The following MAB21L4 variants were observed in gnomAD, a reference collection of about 807,000 sequenced individuals.
The protein encoded by MAB21L4 is mab-21 like 4.
Under a neutral mutation model 32.4 loss-of-function variants are expected in MAB21L4, and 25 were observed. The ratio of observed to expected loss-of-function variants is 0.77; its 90% confidence interval spans 0.56 to 1.08. The LOEUF is 1.08. Among genes scored for constraint, MAB21L4 ranks in the 50% least tolerant of loss-of-function variants. The pLI is 0.00. For synonymous variants in MAB21L4, 280 were observed against 276.8 expected, an observed-to-expected ratio of 1.01 and a Z score of -0.11; for missense variants, 638 against 611.0, an observed-to-expected ratio of 1.04 and a Z score of -0.47.
At position 240,888,289 on chromosome 2, in the gene MAB21L4, C is replaced by T; in HGVS notation, c.1251+3G>A. The stretch of plus-strand genomic sequence containing the variant: ...GCCCAAGGCCCCCGCAGCCAGCACC[C>T]ACCTTGTCCAGCAGGACGTCGAAGT... On this transcript the variant is annotated splice_donor_region_variant and intron_variant, in intron 4 of 4. Transcript: ENST00000388934. 1.3e-6 allele frequency: 2 copies of T among 1,545,190 alleles called. No individual in the cohort carries two copies. The highest frequency in any genetic ancestry group is 2.3e-5 in the East Asian group (1 of 43,156).
chr2:240,888,989 CCCTTTGAGCT>C (rs1423615904), intron 3 of MAB21L4, among the ~76,000 whole-genome samples: 1 of 149,900 alleles, frequency 6.7e-6, no homozygotes, highest in African/African-American at 2.4e-5. Flanking sequence ...TTCCCTCCGC[CCCTTTGAGCT>C]CCTACTCACC....
chr2:240,890,176 GC>G lies in MAB21L4; in HGVS notation c.741-19del. 1 of 1,580,846 alleles carries G rather than the reference GC, an allele frequency of 6.3e-7. No homozygotes were observed. On this transcript the variant is annotated intron_variant, in intron 2 of 4. Transcript: ENST00000388934. ...TGGAGGTCCTGGGGCCCAGACAGAC[GC>G]ACTGGGTCAGCCCCCGCCGCTGTTG...
chr2:240,890,088 T>A lies in MAB21L4; in HGVS notation c.811A>T (p.Ser271Cys). 6.2e-7 allele frequency: 1 copy of A among 1,613,280 alleles called. No homozygotes were observed. The highest frequency in any genetic ancestry group is 8.5e-7 in the Non-Finnish European group (1 of 1,179,722). ...LGSLQGHRLD[S>C]LSILDRVNHE... ...TTGACCCGGTCGAGGATGGAGAGGC[T>A]GTCCAGGCGATGACCCTGCAGGGAG... The change falls in exon 3 of 5, where the codon AGC (serine) becomes TGC (cysteine). Residue 271 changes from serine (S) to cysteine (C), a missense_variant. Transcript: ENST00000388934.
At position 240,887,097 on chromosome 2, in the gene MAB21L4, G is replaced by T. The variant is rs1236304974; in HGVS notation, c.1317C>A (p.Thr439=). The change falls in exon 5 of 5, where the codon ACC becomes ACA. Residue 439 remains threonine, a synonymous_variant. Coordinates refer to ENST00000388934, the MANE Select transcript of MAB21L4 (RefSeq NM_001085437.3). ...ISAMQSIFQK[T]RTLGGEES Reference sequence around the variant, plus strand: ...AGCTCTCCTCGCCTCCCAGAGTCCTGGTCTTCTGGAAGATGCTCTGCATGG... The same window carrying T: ...AGCTCTCCTCGCCTCCCAGAGTCCTTGTCTTCTGGAAGATGCTCTGCATGG... 1.9e-6 allele frequency: 3 copies of T among 1,614,096 alleles called. No homozygotes were observed. Among genetic ancestry groups the T allele is most frequent in the Non-Finnish European group, 2.5e-6 (3 of 1,179,990 alleles).
chr2:240,889,985 C>T lies in MAB21L4; in HGVS notation c.894+20G>A. On this transcript the variant is annotated intron_variant, in intron 3 of 4. Coordinates refer to ENST00000388934, the MANE Select transcript of MAB21L4 (RefSeq NM_001085437.3). ...CTGGGCCCTGGTGACAGACAACCCG[C>T]CGAGTCCCGCCCTGGGTACCTTCAG... 1 of 1,592,840 alleles carries T rather than the reference C, an allele frequency of 6.3e-7. No individual in the cohort carries two copies. Among genetic ancestry groups the T allele is most frequent in the South Asian group, 1.1e-5 (1 of 89,544 alleles).
intron 3 of MAB21L4, among the ~76,000 whole-genome samples, 196 bp from the exon 4 acceptor site, chr2:240,888,844 C>T (rs1313377755): frequency 4.0e-5 from 6 of 151,886 alleles, no homozygotes; most frequent in Non-Finnish European, 5.9e-5. Context: ...TGCTGGCTCC[C>T]GAAGGCATGA....
chr2:240,888,522 G>T lies in MAB21L4; in HGVS notation c.1021C>A (p.Leu341Ile). The change falls in exon 4 of 5, where the codon CTC (leucine) becomes ATC (isoleucine). Residue 341 changes from leucine to isoleucine, a missense_variant. By Grantham distance (5) the Leu-to-Ile change is conservative. Transcript: ENST00000388934. ...TGCAGCAGGTTGCGCTGCGGGTGGA[G>T]GAAGTGGGGCAGCTTCCGCGTGGCC... ...CLATRKLPHFLHPQRNLLQGS... is the reference protein window; with the variant it reads ...CLATRKLPHFIHPQRNLLQGS... The T allele has an allele frequency of 6.2e-7, 1 of 1,608,082 alleles. No homozygotes were observed.
intron 3 of MAB21L4, 109 bp downstream of exon 3, chr2:240,889,896 G>C: frequency 7.7e-7 from 1 of 1,303,024 alleles, no homozygotes; most frequent in African/African-American, 1.5e-5. Context: ...CTCCGACTTG[G>C]GACTCATAGC....
At chr2:240,887,290 G>A (rs2059103960) in intron 4 of MAB21L4, 128 bp from the exon 5 acceptor site, 1 of 726,286 alleles carries the variant, frequency 1.4e-6, no homozygotes, top group Non-Finnish European at 2.3e-6. Flanking sequence ...CCTGCCCCGG[G>A]TATCTGCCTG....
chr2:240,888,845 G>C (rs964317400), intron 3 of MAB21L4, among the ~76,000 whole-genome samples, 197 bp from the exon 4 acceptor site: 1 of 136,832 alleles, frequency 7.3e-6, no homozygotes, highest in Admixed American at 7.4e-5. Context: ...GCTGGCTCCC[G>C]AAGGCATGAA....
In MAB21L4 at chr2:240,888,361, C is replaced by T. The variant is rs1207936205; in HGVS notation, c.1182G>A (p.Ala394=). Residue 394 remains alanine, a synonymous_variant, in exon 4 of 5, where the codon GCG becomes GCA. Coordinates refer to ENST00000388934, the MANE Select transcript of MAB21L4 (RefSeq NM_001085437.3). ...GGTCACTGGCTGGCAGCTGCAGGAG[C>T]GCCTTGAGCCCGGAGCCGATGCGCG... is the stretch of plus-strand genomic sequence containing the variant. ...PPPRIGSGLK[A]LLQLPASDPT... 14 of 1,573,870 alleles carry T rather than the reference C, an allele frequency of 8.9e-6. No individual in the cohort carries two copies. Among genetic ancestry groups the T allele is most frequent in the East Asian group, 4.7e-5 (2 of 42,690 alleles).
intron 1 of MAB21L4, 70 bp downstream of exon 1, chr2:240,895,414 G>T: frequency 7.1e-7 from 1 of 1,402,636 alleles, no homozygotes; most frequent in Non-Finnish European, 9.5e-7. Context: ...TCACACACTT[G>T]CACACAGACA....
At position 240,895,564 on chromosome 2, in the gene MAB21L4, G is replaced by T. The variant is rs1275535529; in HGVS notation, c.434C>A (p.Pro145His). 6.2e-7 allele frequency: 1 copy of T among 1,611,752 alleles called. No individual in the cohort carries two copies. The highest frequency in any genetic ancestry group is 1.7e-4 in the Middle Eastern group (1 of 6,060). Residue 145 changes from proline to histidine, a missense_variant, in exon 1 of 5, where the codon CCC (proline) becomes CAC (histidine). Coordinates refer to ENST00000388934, the MANE Select transcript of MAB21L4 (RefSeq NM_001085437.3). ...CTTGAGGACACACAGGACCTTGCTG[G>T]GCACAATGTGTCCACGGCACTTGGC... is the stretch of plus-strand genomic sequence containing the variant. ...GDAKCRGHIV[P>H]SKVLCVLKDL...
At chr2:240,896,463 G>T (rs1188125151), upstream of MAB21L4, among the ~76,000 whole-genome samples, 1 of 152,156 alleles carries the variant, frequency 6.6e-6, no homozygotes, top group Non-Finnish European at 1.5e-5. Context: ...CGGGTATCTG[G>T]ATCAGGCCCC....
At chr2:240,894,673 C>G in intron 1 of MAB21L4, among the ~76,000 whole-genome samples, 1 of 152,166 alleles carries the variant, frequency 6.6e-6, no homozygotes, top group Non-Finnish European at 1.5e-5. Context: ...GGCGTGGTAG[C>G]CCATGCCTGT....
Position 240,887,028 on chromosome 2 carries a change from T to C in MAB21L4, c.*42A>G, listed in dbSNP as rs1315178563. 4 of 1,484,868 alleles carry C rather than the reference T, an allele frequency of 2.7e-6. No individual in the cohort carries two copies. The highest frequency in any genetic ancestry group is 2.8e-6 in the Non-Finnish European group (3 of 1,062,928). 92.0% of individuals were successfully genotyped at this position (1,484,868 alleles called of 1,614,324 possible). A position where few individuals can be genotyped will look rare whatever the true frequency, so the allele number is the denominator to read the frequency against. On this transcript the variant is annotated 3_prime_UTR_variant, in exon 5 of 5. Transcript: ENST00000388934. ...CTCCCATGGTGCAGTGCAGAGTCTG[T>C]TGGGGAGCCAAGAACAGGTGGCTGA... is the stretch of plus-strand genomic sequence containing the variant.
Position 240,895,684 on chromosome 2 carries a change from C to T in MAB21L4, c.314G>A (p.Gly105Asp). ...CACACCCAGGTGGCATAATTCAAGG[C>T]CATCCTCCGGCTGGGTGGCCTCTGG... ...EEPEATQPED[G>D]LELCHLGVPR... Residue 105 changes from glycine to aspartate, a missense_variant, in exon 1 of 5, where the codon GGC becomes GAC. Transcript: ENST00000388934. 1 of 1,612,856 alleles carries T rather than the reference C, an allele frequency of 6.2e-7. No individual in the cohort carries two copies. The highest frequency in any genetic ancestry group is 8.5e-7 in the Non-Finnish European group (1 of 1,180,034).
intron 1 of MAB21L4, among the ~76,000 whole-genome samples, chr2:240,893,719 G>T (rs1198936311): frequency 2.5e-5 from 3 of 117,658 alleles, no homozygotes; most frequent in African/African-American, 8.5e-5. Context: ...CTGCAGTATC[G>T]AGTCTGCTTT....
chr2:240,889,507 G>A (rs2059125941), intron 3 of MAB21L4, among the ~76,000 whole-genome samples: 1 of 152,228 alleles, frequency 6.6e-6, no homozygotes, highest in Admixed American at 6.5e-5. Flanking sequence ...GCCCCTGCCT[G>A]TTCCTTGTTC....
Sources: allele counts gnomAD v4.1 joint callset (sites outside exome capture counted in the v4.1 genomes callset), GRCh38; gene constraint gnomAD v4.1.1; transcripts MANE v1.5; gene names NCBI Gene and HGNC (gene_info 2026-07-23, HGNC 2026-07-21).